DOP1A: variants seen among roughly 807,000 people sequenced by gnomAD.
DOP1A encodes the protein DOP1 leucine zipper like protein A.
DOP1A carries 90 observed loss-of-function variants against 267.6 expected under a neutral mutation model. The observed-to-expected ratio is 0.34, with a 90% confidence interval of 0.28 to 0.40. DOP1A has a LOEUF of 0.40. Among genes scored for constraint, DOP1A ranks in the 10% least tolerant of loss-of-function variants. The probability of loss-of-function intolerance (pLI) is 1.00; values close to 1 mark genes in which losing one functional copy is unlikely to be tolerated. For synonymous variants in DOP1A, 932 were observed against 999.1 expected (o/e 0.93, Z 1.27); for missense variants, 2,437 against 2,900.4 (o/e 0.84, Z 3.67).
intron 3 of DOP1A, among the ~76,000 whole-genome samples, chr6:83,100,063 T>A (rs1772289363): frequency 6.6e-6 from 1 of 152,160 alleles, no homozygotes; most frequent in South Asian, 2.1e-4. Context: ...CTTTGAGTGG[T>A]TGGTAAGATA....
intron 1 of DOP1A, among the ~76,000 whole-genome samples, chr6:83,082,837 T>C (rs1444887955): frequency 6.6e-6 from 1 of 151,954 alleles, no homozygotes; most frequent in Non-Finnish European, 1.5e-5. Context: ...AGACCGAGTT[T>C]TGCTCTGTCA....
chr6:83,082,892 C>G (rs568025318), intron 1 of DOP1A, among the ~76,000 whole-genome samples: 3 of 151,830 alleles, frequency 2.0e-5, no homozygotes, highest in Admixed American at 1.3e-4. Flanking sequence ...ACTGCACCCT[C>G]TGCCTCCTGG....
At chr6:83,070,496 T>C (rs987533974) in intron 1 of DOP1A, among the ~76,000 whole-genome samples, 3 of 152,194 alleles carry the variant, frequency 2.0e-5, no homozygotes, top group African/African-American at 7.2e-5. Flanking sequence ...TACATTTCAA[T>C]AAGTTTTAGT....
intron 1 of DOP1A, among the ~76,000 whole-genome samples, chr6:83,071,762 GAT>G (rs753366931): frequency 2.6e-5 from 4 of 152,124 alleles, no homozygotes; most frequent in Non-Finnish European, 5.9e-5. Context: ...TCTTGAATCA[GAT>G]ATGTCTTTAT....
intron 30 of DOP1A, among the ~76,000 whole-genome samples, chr6:83,152,885 T>G (rs1202112116): frequency 2.0e-5 from 3 of 152,192 alleles, no homozygotes; most frequent in Non-Finnish European, 4.4e-5. Context: ...CCCAAAGTGC[T>G]GAGGTTACAG....
chr6:83,164,805 T>A, intron 38 of DOP1A: 1 of 1,084,270 alleles, frequency 9.2e-7, no homozygotes, highest in Non-Finnish European at 1.3e-6. Flanking sequence ...TGTCAACAAG[T>A]ACAAGGGAGG....
rs561502833 is a variant in DOP1A at position 83,115,410 on chromosome 6, C to T, written c.780+1989C>T. On this transcript the variant is annotated intron_variant, in intron 7 of 38. Coordinates refer to ENST00000349129, the MANE Select transcript of DOP1A (RefSeq NM_015018.4). Reference sequence around the variant, plus strand: ...ACAGTGAGAACACTTAAAATGTACTCTGAGCAGTTTTTAAGAATACAATAC... The same window carrying T: ...ACAGTGAGAACACTTAAAATGTACTTTGAGCAGTTTTTAAGAATACAATAC... Among the ~76,000 whole-genome samples, 5 of 152,274 alleles carry T rather than the reference C, an allele frequency of 3.3e-5. No individual in the cohort carries two copies. In the South Asian group the frequency reaches 8.3e-4, roughly 25 times the overall value.
rs1372335145 is a variant in DOP1A at position 83,113,379 on chromosome 6, A to C, written c.738A>C (p.Thr246=). The C allele has an allele frequency of 5.0e-6, 8 of 1,613,792 alleles. No homozygotes were observed. The highest frequency in any genetic ancestry group is 1.7e-5 in the Admixed American group (1 of 60,004). Residue 246 remains threonine (T), a synonymous_variant, in exon 7 of 39, where the codon ACA becomes ACC. Transcript: ENST00000349129. Reference sequence around the variant, plus strand: ...CAAGTGTACTTGTACAGAGAAGCACACTGGACCTCATACTCTTCTGTTTTC... The same window carrying C: ...CAAGTGTACTTGTACAGAGAAGCACCCTGGACCTCATACTCTTCTGTTTTC... ...QDSSVLVQRS[T]LDLILFCFPF...
In DOP1A at chr6:83,129,128, C is replaced by T; in HGVS notation, c.1961C>T (p.Pro654Leu). 1.2e-6 allele frequency: 2 copies of T among 1,613,840 alleles called. No homozygotes were observed. The highest frequency in any genetic ancestry group is 1.7e-6 in the Non-Finnish European group (2 of 1,179,878). Residue 654 changes from proline (P) to leucine (L), a missense_variant, in exon 16 of 39, where the codon CCT becomes CTT. Transcript: ENST00000349129. Reference protein sequence around the residue: ...VGSEETIIQTPSVVTQGTATR... With the variant: ...VGSEETIIQTLSVVTQGTATR... ...TCTGAAGAAACCATCATCCAGACCC[C>T]TTCCGTAGTCACTCAGGGGACAGCA...
intron 7 of DOP1A, among the ~76,000 whole-genome samples, chr6:83,117,119 T>TTTTTATTTTA (rs55825933): frequency 0.19 from 24,357 of 131,196 alleles, 2,514 homozygotes; most frequent in East Asian, 0.23. Flanking sequence ...TTTTAGTACT[T>TTTTTATTTTA]TTTTATTTTA....
In DOP1A at chr6:83,134,472, T is replaced by C. The variant is rs116242123; in HGVS notation, c.2870+185T>C. The C allele has an allele frequency of 2.1e-3, 1,044 of 496,676 alleles. 13 individuals carry two copies. The highest frequency in any genetic ancestry group is 0.019 in the African/African-American group (953 of 50,354). 30.8% of individuals were successfully genotyped at this position (496,676 alleles called of 1,614,324 possible). A position where few individuals can be genotyped will look rare whatever the true frequency, so the allele number is the denominator to read the frequency against. On this transcript the variant is annotated intron_variant, in intron 19 of 38. Transcript: ENST00000349129. ...TGGCATTTTTACTCATCCACCAGGT[T>C]TTTACTTTCTGGTTTTGGAGTACCC... is the stretch of plus-strand genomic sequence containing the variant.
intron 7 of DOP1A, among the ~76,000 whole-genome samples, chr6:83,118,473 A>G (rs1775833422): frequency 6.6e-6 from 1 of 152,170 alleles, no homozygotes; most frequent in East Asian, 1.9e-4. Context: ...AAAAATTTTT[A>G]AAAAGAATAA....
chr6:83,109,987 G>T, intron 5 of DOP1A, 138 bp from the exon 6 acceptor site: 1 of 836,946 alleles, frequency 1.2e-6, no homozygotes, highest in Admixed American at 3.6e-5. Context: ...TCTTCTTTCA[G>T]TCTATCACAC....
At chr6:83,120,000 C>A in intron 9 of DOP1A, 143 bp downstream of exon 9, 2 of 576,626 alleles carry the variant, frequency 3.5e-6, no homozygotes, top group South Asian at 5.2e-5. Flanking sequence ...ATTTTTATAA[C>A]AAGAAAATTC....
chr6:83,116,121 C>A (rs555491297), intron 7 of DOP1A, among the ~76,000 whole-genome samples: 1 of 152,214 alleles, frequency 6.6e-6, no homozygotes, highest in South Asian at 2.1e-4. Flanking sequence ...GTTGGAAAAT[C>A]GAGGAGTATT....
At chr6:83,111,183 C>T (rs1044159628) in intron 6 of DOP1A, among the ~76,000 whole-genome samples, 1 of 152,058 alleles carries the variant, frequency 6.6e-6, no homozygotes, top group Non-Finnish European at 1.5e-5. Flanking sequence ...CTCCTGACCT[C>T]AGGTAATCCA....
At chr6:83,169,362 T>C (rs1432104763), downstream of DOP1A, 2 of 1,609,224 alleles carry the variant, frequency 1.2e-6, no homozygotes, top group African/African-American at 1.3e-5. Flanking sequence ...GAGAAAGACA[T>C]AGCATGTGTC....
intron 1 of DOP1A, among the ~76,000 whole-genome samples, chr6:83,078,717 AAC>A (rs1364139119): frequency 6.6e-6 from 1 of 152,202 alleles, no homozygotes; most frequent in African/African-American, 2.4e-5. Context: ...GAGGTGTAGT[AAC>A]AGTTTATGGT....
intron 7 of DOP1A, 125 bp from the exon 8 acceptor site, chr6:83,118,763 A>G (rs1775877426): frequency 4.8e-6 from 3 of 627,460 alleles, no homozygotes; most frequent in Non-Finnish European, 7.6e-6. Flanking sequence ...CTGTGTTTGA[A>G]ATAATCCATG....
Sources: gnomAD v4.1 joint callset for allele counts (sites outside exome capture counted in the v4.1 genomes callset) on GRCh38, gnomAD v4.1.1 for gene constraint, MANE v1.5 for transcripts, NCBI Gene and HGNC (gene_info 2026-07-23, HGNC 2026-07-21) for gene names.